The following FHDC1 variants were observed in gnomAD, a reference collection of about 807,000 sequenced individuals.
FHDC1 encodes the protein FH2 domain-containing protein 1.
A neutral mutation model predicts 52.6 loss-of-function variants in FHDC1; 25 were observed. The observed-to-expected ratio is 0.48, with a 90% confidence interval of 0.35 to 0.66. FHDC1 has a LOEUF of 0.66. FHDC1 is among the 30% of genes least tolerant of loss of function. The pLI is 0.01. For synonymous variants in FHDC1, 616 were observed against 581.5 expected (o/e 1.06, Z -0.85); for missense variants, 1,459 against 1,452.8 (o/e 1.00, Z -0.07).
chr4:152,956,308 G>A (rs778517000), intron 4 of FHDC1, among the ~76,000 whole-genome samples: 2 of 152,104 alleles, frequency 1.3e-5, no homozygotes, highest in Admixed American at 6.5e-5. Flanking sequence ...ATTTGACAGC[G>A]CATGTGAAAG....
chr4:152,918,894 G>A, the FHDC1 span, among the ~76,000 whole-genome samples: 1 of 152,192 alleles, frequency 6.6e-6, no homozygotes, highest in Admixed American at 6.5e-5. Context: ...TTTGCTGAAT[G>A]GCTGACTGGT....
intron 6 of FHDC1, among the ~76,000 whole-genome samples, chr4:152,961,155 T>G (rs1051137525): frequency 7.9e-5 from 12 of 152,202 alleles, no homozygotes; most frequent in Non-Finnish European, 1.3e-4. Context: ...TGTATGTTGG[T>G]ATGTGGTGTG....
the FHDC1 span, among the ~76,000 whole-genome samples, chr4:152,929,475 A>G: frequency 6.6e-6 from 1 of 152,174 alleles, no homozygotes; most frequent in Admixed American, 6.5e-5. This position sits in a 1 kb window ranked among gnomAD's most constrained non-coding sequence, Gnocchi z 4.1. Flanking sequence ...CTCATTTAGA[A>G]ACAGAATGGG....
At position 152,968,796 on chromosome 4, in the gene FHDC1, G is replaced by A. The variant is rs6835342; in HGVS notation, c.1218+699G>A. Among the ~76,000 whole-genome samples the A allele has an allele frequency of 8.4e-3, 1,273 of 152,220 alleles. 23 individuals are homozygous for A. Among genetic ancestry groups the A allele is most frequent in the African/African-American group, 0.028 (1,181 of 41,540 alleles). ...TTGTTTCTAAACCAGTTAAACTTTC[G>A]GATAACAGAACAAAGTTCCACAGAA... On this transcript the variant is annotated intron_variant, in intron 10 of 11. Coordinates refer to ENST00000511601, the MANE Select transcript of FHDC1 (RefSeq NM_001371116.1).
chr4:152,954,343 GT>G, intron 4 of FHDC1, 24 bp downstream of exon 4: 1 of 1,574,724 alleles, frequency 6.4e-7, no homozygotes, highest in Non-Finnish European at 8.7e-7. Context: ...CGCATGAGTT[GT>G]AGATGTTAGG....
chr4:152,964,881 G>A (rs1740412076), intron 8 of FHDC1, 24 bp from the exon 9 acceptor site: 1 of 1,588,624 alleles, frequency 6.3e-7, no homozygotes, highest in Non-Finnish European at 8.6e-7. Flanking sequence ...AACATAGTGA[G>A]ATAAAATTCT....
the FHDC1 span, chr4:152,927,681 T>C: frequency 1.9e-6 from 3 of 1,568,664 alleles, no homozygotes; most frequent in South Asian, 1.1e-5. Flanking sequence ...AAAAACATGG[T>C]AAGAGGCTTA....
chr4:152,963,199 A>G (rs1269332535), intron 8 of FHDC1, 69 bp downstream of exon 8: 26 of 1,372,104 alleles, frequency 1.9e-5, no homozygotes, highest in Non-Finnish European at 2.7e-5. Context: ...AGTTTTTCCC[A>G]GGCATAAGAT....
At chr4:152,937,392 G>A in intron 1 of FHDC1, among the ~76,000 whole-genome samples, 1 of 152,130 alleles carries the variant, frequency 6.6e-6, no homozygotes, top group East Asian at 1.9e-4. Context: ...ACTTCTGGGC[G>A]CAGCGTGCTA....
the FHDC1 span, among the ~76,000 whole-genome samples, chr4:152,929,003 A>T: frequency 1.3e-5 from 2 of 152,098 alleles, no homozygotes; most frequent in African/African-American, 4.8e-5. This position sits in a 1 kb window ranked among gnomAD's most constrained non-coding sequence, Gnocchi z 4.1. Context: ...TTATTTTGCT[A>T]AGGTTAAGGA....
chr4:152,934,525 T>C (rs1170584015), upstream of FHDC1, among the ~76,000 whole-genome samples: 1 of 152,214 alleles, frequency 6.6e-6, no homozygotes, highest in Non-Finnish European at 1.5e-5. Context: ...ATTATGTTTG[T>C]AAGTTTTTAT....
At chr4:152,949,112 TAATAATAATAATAAGAAG>T (rs1405057367) in intron 2 of FHDC1, among the ~76,000 whole-genome samples, 810 of 79,902 alleles carry the variant, frequency 0.01, 6 homozygotes, top group South Asian at 0.017. Context: ...ATAATAATAA[TAATAATAATAATAAGAAG>T]AAGAAGAAGA....
chr4:152,933,002 G>A (rs983069298), upstream of FHDC1, among the ~76,000 whole-genome samples: 20 of 152,202 alleles, frequency 1.3e-4, no homozygotes, highest in Admixed American at 1.3e-4. Flanking sequence ...GCTGCAAATC[G>A]AATCAGGAAA....
the FHDC1 span, among the ~76,000 whole-genome samples, chr4:152,912,949 T>C: frequency 2.6e-5 from 4 of 152,326 alleles, no homozygotes; most frequent in Non-Finnish European, 5.9e-5. Context: ...TACTGAAGCT[T>C]ATCCTATAGA....
chr4:152,930,016 A>G, the FHDC1 span, among the ~76,000 whole-genome samples: 6 of 152,336 alleles, frequency 3.9e-5, no homozygotes, highest in East Asian at 1.2e-3. Context: ...AAACTGTCCT[A>G]TGCTTAGCTG....
At chr4:152,945,614 A>G (rs1159410542) in intron 2 of FHDC1, among the ~76,000 whole-genome samples, 24 of 151,772 alleles carry the variant, frequency 1.6e-4, no homozygotes. Flanking sequence ...GTGCCACAAC[A>G]CCCAGCTAAT....
At chr4:152,923,335 A>AC in the FHDC1 span, among the ~76,000 whole-genome samples, 1 of 152,176 alleles carries the variant, frequency 6.6e-6, no homozygotes. Flanking sequence ...AGAACTACAA[A>AC]CCACTGCTCA....
intron 4 of FHDC1, among the ~76,000 whole-genome samples, chr4:152,957,967 A>G (rs563574169): frequency 1.3e-3 from 202 of 152,262 alleles, no homozygotes; most frequent in Non-Finnish European, 2.5e-3. Context: ...GGCTGGTGCT[A>G]GACGTGGTAG....
At chr4:152,914,826 A>G in the FHDC1 span, among the ~76,000 whole-genome samples, 1 of 152,186 alleles carries the variant, frequency 6.6e-6, no homozygotes, top group African/African-American at 2.4e-5. Context: ...CCATAGCCAT[A>G]TACCTCTCAC....
Sources: gnomAD v4.1 joint callset for allele counts (sites outside exome capture counted in the v4.1 genomes callset) on GRCh38, gnomAD v4.1.1 for gene constraint, Gnocchi (gnomAD v3.1) non-coding constraint, MANE v1.5 for transcripts, NCBI Gene and HGNC (gene_info 2026-07-23, HGNC 2026-07-21) for gene names.